The following UTRN variants were observed in gnomAD, a reference collection of about 807,000 sequenced individuals.
UTRN encodes utrophin, also known as dystrophin-related protein 1.
UTRN carries 283 observed loss-of-function variants against 463.9 expected under a neutral mutation model. That is an observed-to-expected ratio of 0.61 (90% CI 0.55 to 0.67). UTRN has a LOEUF of 0.67. Ranked by LOEUF, UTRN falls within the 30% of genes least tolerant of loss-of-function variation. The probability of loss-of-function intolerance (pLI) is 0.00; values close to 1 mark genes in which losing one functional copy is unlikely to be tolerated. For missense variants in UTRN, 3,922 were observed against 4,084.3 expected, an observed-to-expected ratio of 0.96 and a Z score of 1.08; for synonymous variants, 1,442 against 1,431.5, an observed-to-expected ratio of 1.01 and a Z score of -0.17.
chr6:144,558,210 G>A (rs1799558170), intron 50 of UTRN, among the ~76,000 whole-genome samples: 1 of 152,138 alleles, frequency 6.6e-6, no homozygotes, highest in Non-Finnish European at 1.5e-5. Context: ...CACTTCCAGA[G>A]TGTTATTTTT....
At position 144,698,483 on chromosome 6, in the gene UTRN, G is replaced by A. The variant is rs150135005; in HGVS notation, c.7653-1604G>A. Among the ~76,000 whole-genome samples the A allele has an allele frequency of 8.6e-3, 1,304 of 152,364 alleles. 20 individuals carry two copies. The highest frequency in any genetic ancestry group is 0.03 in the African/African-American group (1,229 of 41,586). On this transcript the variant is annotated intron_variant, in intron 52 of 74. Transcript: ENST00000367545. ...CAGCATATGCTGATGAAAGGCAGAC[G>A]TGTGCCTTGTTACACCTCTAAACCT...
intron 72 of UTRN, among the ~76,000 whole-genome samples, chr6:144,839,530 T>TC: frequency 6.6e-6 from 1 of 152,346 alleles, no homozygotes; most frequent in Non-Finnish European, 1.5e-5. Flanking sequence ...TGAAAAAGCC[T>TC]CCTCTGCCCT....
chr6:144,609,070 A>G (rs1805190154), intron 51 of UTRN, among the ~76,000 whole-genome samples: 1 of 152,204 alleles, frequency 6.6e-6, no homozygotes, highest in Non-Finnish European at 1.5e-5. Flanking sequence ...AAATTCTTCA[A>G]TAAAATAACC....
chr6:144,547,937 A>T (rs889459120), intron 46 of UTRN, among the ~76,000 whole-genome samples: 41 of 152,220 alleles, frequency 2.7e-4, no homozygotes, highest in Non-Finnish European at 2.6e-4. Flanking sequence ...TTTAAGCCTC[A>T]TCTAATATAT....
At chr6:144,353,761 C>T (rs1039213738) in intron 2 of UTRN, among the ~76,000 whole-genome samples, 8 of 152,116 alleles carry the variant, frequency 5.3e-5, no homozygotes, top group African/African-American at 1.7e-4. Flanking sequence ...GGACGAGAAT[C>T]GCTTGAACCT....
intron 46 of UTRN, 124 bp from the exon 47 acceptor site, chr6:144,548,516 C>G (rs1798615301): frequency 7.1e-6 from 6 of 848,386 alleles, no homozygotes; most frequent in African/African-American, 1.7e-5. Context: ...AAAAAATAAC[C>G]TCTTAGAATT....
At chr6:144,487,846 G>T in intron 29 of UTRN, 149 bp downstream of exon 29, 1 of 646,506 alleles carries the variant, frequency 1.5e-6, no homozygotes, top group Non-Finnish European at 2.4e-6. Context: ...TGAGGGTATT[G>T]AAATATTCAG....
intron 2 of UTRN, among the ~76,000 whole-genome samples, chr6:144,378,655 T>A (rs1408400637): frequency 6.6e-6 from 1 of 152,126 alleles, no homozygotes; most frequent in Non-Finnish European, 1.5e-5. Flanking sequence ...TGGAGCAAAC[T>A]GAGGAGGGTG....
intron 53 of UTRN, among the ~76,000 whole-genome samples, chr6:144,712,146 C>T (rs1262975677): frequency 1.3e-5 from 2 of 152,172 alleles, no homozygotes; most frequent in African/African-American, 4.8e-5. Context: ...AAGTTCCTCT[C>T]CAACCTTTGC....
intron 23 of UTRN, among the ~76,000 whole-genome samples, chr6:144,464,758 C>T (rs1019058766): frequency 3.3e-5 from 5 of 152,088 alleles, no homozygotes; most frequent in African/African-American, 9.7e-5. Flanking sequence ...CCTCGGCCTC[C>T]CAAAATGCTA....
At chr6:144,744,377 A>G (rs937885623) in intron 54 of UTRN, among the ~76,000 whole-genome samples, 1 of 145,708 alleles carries the variant, frequency 6.9e-6, no homozygotes, top group Non-Finnish European at 1.5e-5. Flanking sequence ...ATATATAGAT[A>G]TATAAAAATT....
At chr6:144,729,044 T>C (rs190665268) in intron 53 of UTRN, among the ~76,000 whole-genome samples, 11 of 152,284 alleles carry the variant, frequency 7.2e-5, no homozygotes, top group Admixed American at 4.6e-4. Flanking sequence ...TAGTGGTTTC[T>C]AGAGTAGTAC....
At chr6:144,799,891 C>A (rs1777563891) in intron 64 of UTRN, among the ~76,000 whole-genome samples, 1 of 152,096 alleles carries the variant, frequency 6.6e-6, no homozygotes, top group Admixed American at 6.6e-5. Flanking sequence ...TTTTAAAAAG[C>A]AGATTAGATT....
intron 11 of UTRN, 45 bp from the exon 12 acceptor site, chr6:144,438,700 A>G (rs2114896193): frequency 6.2e-7 from 1 of 1,605,220 alleles, no homozygotes; most frequent in South Asian, 1.1e-5. Context: ...TGACTTTGCA[A>G]AGGGAAAAGG....
chr6:144,793,892 G>C lies in UTRN; in HGVS notation c.8979G>C (p.Leu2993=). 6.2e-7 allele frequency: 1 copy of C among 1,614,124 alleles called. No homozygotes were observed. Among genetic ancestry groups the C allele is most frequent in the African/African-American group, 1.3e-5 (1 of 75,044 alleles). The change falls in exon 63 of 75, where the codon CTG becomes CTC. Residue 2993 remains leucine, a synonymous_variant. Transcript: ENST00000367545. ...TGTGTGACCAGAGGCAGCTGGGCCT[G>C]TTACTTCATGATGCCATCCAGATCC... ...TEMCDQRQLG[L]LLHDAIQIPR...
rs377200342 is a variant in UTRN at position 144,444,050 on chromosome 6, T to C, written c.1513-231T>C. ...AAAGATTCAGAGGATACAGTTCTAT[T>C]ATGTTAGTTTCTAGCTATGTGAAAT... On this transcript the variant is annotated intron_variant, in intron 13 of 74. Transcript: ENST00000367545. Among the ~76,000 whole-genome samples the C allele has an allele frequency of 8.5e-5, 13 of 152,338 alleles. No individual in the cohort carries two copies. In the South Asian group the frequency reaches 2.7e-3, roughly 32 times the overall value.
chr6:144,757,275 C>T (rs2128725972), intron 57 of UTRN, among the ~76,000 whole-genome samples: 1 of 145,820 alleles, frequency 6.9e-6, no homozygotes, highest in South Asian at 2.3e-4. Flanking sequence ...TTTAAAAACC[C>T]CATAAAATCT....
intron 34 of UTRN, among the ~76,000 whole-genome samples, chr6:144,499,957 A>G (rs935736154): frequency 6.6e-6 from 1 of 152,108 alleles, no homozygotes; most frequent in Non-Finnish European, 1.5e-5. Flanking sequence ...ATTCTTTTTT[A>G]TGGTTGTATG....
chr6:144,376,152 G>A (rs1040197350), intron 2 of UTRN, among the ~76,000 whole-genome samples: 2 of 151,978 alleles, frequency 1.3e-5, no homozygotes, highest in African/African-American at 4.8e-5. Flanking sequence ...ATTCCCAGTT[G>A]CTTTTTTTAA....
Sources: allele counts gnomAD v4.1 joint callset (sites outside exome capture counted in the v4.1 genomes callset), GRCh38; gene constraint gnomAD v4.1.1; transcripts MANE v1.5; gene names NCBI Gene and HGNC (gene_info 2026-07-23, HGNC 2026-07-21).